SCML4: variants seen among roughly 807,000 people sequenced by gnomAD.
SCML4 encodes Scm polycomb group protein like 4, also known as sex comb on midleg-like protein 4.
Under a neutral mutation model 41.1 loss-of-function variants are expected in SCML4, and 34 were observed. That is an observed-to-expected ratio of 0.83 (90% CI 0.63 to 1.10). The LOEUF (loss-of-function observed/expected upper bound fraction) is 1.10, where lower values mean the gene tolerates loss of function less well. Ranked by LOEUF, SCML4 falls within the 50% of genes least tolerant of loss-of-function variation. The probability of loss-of-function intolerance (pLI) is 0.00; values close to 1 mark genes in which losing one functional copy is unlikely to be tolerated. For synonymous variants in SCML4, 214 were observed against 220.9 expected, an observed-to-expected ratio of 0.97 and a Z score of 0.28; for missense variants, 522 against 534.1, an observed-to-expected ratio of 0.98 and a Z score of 0.22.
At chr6:107,821,765 G>C (rs1784960674) in intron 1 of SCML4, among the ~76,000 whole-genome samples, 1 of 152,180 alleles carries the variant, frequency 6.6e-6, no homozygotes, top group Non-Finnish European at 1.5e-5. Flanking sequence ...GTTTCCGAGG[G>C]CAGGGACTTG....
Position 107,702,475 on chromosome 6 carries a change from T to C in SCML4, c.*2725A>G, listed in dbSNP as rs1773261043. Among the ~76,000 whole-genome samples the C allele has an allele frequency of 6.6e-6, 1 of 152,222 alleles. No individual in the cohort carries two copies. Among genetic ancestry groups the C allele is most frequent in the Admixed American group, 6.5e-5 (1 of 15,284 alleles). The stretch of plus-strand genomic sequence containing the variant: ...TGGGTAGGAAGTTTTGAAAACTTGA[T>C]ACTGGAAGTCACTACATGAGGTATC... On this transcript the variant is annotated 3_prime_UTR_variant, in exon 8 of 8. Transcript: ENST00000369020.
intron 5 of SCML4, among the ~76,000 whole-genome samples, chr6:107,743,023 T>A (rs902367987): frequency 4.6e-5 from 7 of 152,162 alleles, no homozygotes; most frequent in Non-Finnish European, 1.0e-4. Flanking sequence ...TAGAGGCAAC[T>A]AAAAGTCCAC....
At chr6:107,828,406 C>A (rs1583694730), upstream of SCML4, among the ~76,000 whole-genome samples, 1 of 152,198 alleles carries the variant, frequency 6.6e-6, no homozygotes, top group African/African-American at 2.4e-5. Context: ...CTCAAAACAT[C>A]GGTCTGCTGA....
intron 5 of SCML4, among the ~76,000 whole-genome samples, chr6:107,741,939 G>T (rs921364738): frequency 1.3e-5 from 2 of 152,150 alleles, no homozygotes; most frequent in African/African-American, 4.8e-5. Flanking sequence ...GCAAGGCAAG[G>T]GACCAGAAAC....
chr6:107,801,574 T>C (rs897844191), intron 1 of SCML4, among the ~76,000 whole-genome samples: 1 of 152,192 alleles, frequency 6.6e-6, no homozygotes, highest in African/African-American at 2.4e-5. Flanking sequence ...TTTTAATTTC[T>C]CCAGGTTTTT....
At chr6:107,727,523 T>C (rs532663899) in intron 5 of SCML4, among the ~76,000 whole-genome samples, 1 of 152,194 alleles carries the variant, frequency 6.6e-6, no homozygotes, top group East Asian at 1.9e-4. Context: ...AAACACGGCG[T>C]TGGCCACCAG....
rs1773480796 is a variant in SCML4 at position 107,705,198 on chromosome 6, A to AC, written c.*1_*2insG. The AC allele has an allele frequency of 2.8e-5, 43 of 1,551,314 alleles. No homozygotes were observed. The highest frequency in any genetic ancestry group is 3.7e-5 in the Non-Finnish European group (42 of 1,146,770). ...GGTTTCGCTTCTGTCTTTTTAAAAA[A>AC]GTCAGAACTTGGCTTGCTTCAGTTT... On this transcript the variant is annotated 3_prime_UTR_variant, in exon 8 of 8. Coordinates refer to ENST00000369020, the MANE Select transcript of SCML4 (RefSeq NM_198081.5).
intron 6 of SCML4, among the ~76,000 whole-genome samples, chr6:107,715,009 T>C (rs1160462108): frequency 6.6e-6 from 1 of 150,858 alleles, no homozygotes; most frequent in Non-Finnish European, 1.5e-5. Flanking sequence ...AAGTCCCGCT[T>C]TGTCATCCAG....
At chr6:107,712,806 G>C (rs1169997270) in intron 6 of SCML4, among the ~76,000 whole-genome samples, 2 of 152,198 alleles carry the variant, frequency 1.3e-5, no homozygotes. Context: ...TGCAGCGAAG[G>C]TGTCAGGAAG....
At chr6:107,793,782 AC>A (rs1208737311) in intron 1 of SCML4, among the ~76,000 whole-genome samples, 1 of 152,108 alleles carries the variant, frequency 6.6e-6, no homozygotes, top group Non-Finnish European at 1.5e-5. Flanking sequence ...CCCCATCTGT[AC>A]CAAAAATACA....
chr6:107,788,545 A>G (rs1330343108), intron 1 of SCML4, among the ~76,000 whole-genome samples: 1 of 152,216 alleles, frequency 6.6e-6, no homozygotes, highest in African/African-American at 2.4e-5. Context: ...TTGCCAAGCA[A>G]AAGAAATACA....
intron 1 of SCML4, among the ~76,000 whole-genome samples, chr6:107,806,702 G>T (rs1053263018): frequency 2.6e-5 from 4 of 152,172 alleles, no homozygotes; most frequent in African/African-American, 4.8e-5. Context: ...AAATAATCCC[G>T]CCATCTCCCA....
chr6:107,824,059 C>T (rs1379258180), intron 1 of SCML4, 67 bp downstream of exon 1: 1 of 152,192 alleles, frequency 6.6e-6, no homozygotes, highest in Non-Finnish European at 1.5e-5. Context: ...GGTAACCTGT[C>T]ATGCTGACAG....
At position 107,707,893 on chromosome 6, in the gene SCML4, C is replaced by T; in HGVS notation, c.1092G>A (p.Gly364=). The stretch of plus-strand genomic sequence containing the variant: ...GCTTTCTGAAGAGCTCCACGTGAGG[C>T]CCCAGAGCCTGTGGGTCGGCGTCCT... ...FVKDADPQAL[G]PHVELFRKHE... The change falls in exon 7 of 8, where the codon GGG becomes GGA. Residue 364 remains glycine, a synonymous_variant. Transcript: ENST00000369020. 6.4e-7 allele frequency: 1 copy of T among 1,551,706 alleles called. No individual in the cohort carries two copies. Among genetic ancestry groups the T allele is most frequent in the East Asian group, 2.4e-5 (1 of 40,914 alleles).
chr6:107,842,945 T>C, the SCML4 span, among the ~76,000 whole-genome samples: 2 of 152,298 alleles, frequency 1.3e-5, no homozygotes, highest in African/African-American at 4.8e-5. Context: ...TGTCAGATAT[T>C]AATATTATAA....
chr6:107,803,279 GCCCCA>G (rs1783401912), intron 1 of SCML4, among the ~76,000 whole-genome samples: 2 of 117,244 alleles, frequency 1.7e-5, no homozygotes, highest in African/African-American at 3.2e-5. Context: ...CCTGGCAACC[GCCCCA>G]TCTGTGAAGT....
chr6:107,837,861 T>C, the SCML4 span, among the ~76,000 whole-genome samples: 1 of 151,894 alleles, frequency 6.6e-6, no homozygotes. Flanking sequence ...ATTGGTATCA[T>C]AGCCCAGTGT....
chr6:107,754,050 G>C (rs1400613375), intron 2 of SCML4, among the ~76,000 whole-genome samples: 1 of 152,180 alleles, frequency 6.6e-6, no homozygotes, highest in Non-Finnish European at 1.5e-5. Flanking sequence ...GAGGCCTGGG[G>C]AATGGAGCAC....
intron 1 of SCML4, among the ~76,000 whole-genome samples, chr6:107,780,552 CA>C (rs1157883299): frequency 2.6e-5 from 4 of 151,966 alleles, no homozygotes; most frequent in African/African-American, 9.7e-5. Context: ...ACAAAAAATA[CA>C]AAAATTAGCC....
Sources: allele counts gnomAD v4.1 joint callset (sites outside exome capture counted in the v4.1 genomes callset), GRCh38; gene constraint gnomAD v4.1.1; transcripts MANE v1.5; gene names NCBI Gene and HGNC (gene_info 2026-07-23, HGNC 2026-07-21).